Variants in TCEAL4 observed in about 807,000 individuals in gnomAD.
TCEAL4 encodes the protein transcription elongation factor A like 4.
TCEAL4 carries 1 observed loss-of-function variant against 1.3 expected under a neutral mutation model. The ratio of observed to expected loss-of-function variants is 0.79; its 90% confidence interval spans 0.28 to 3.76. The LOEUF (loss-of-function observed/expected upper bound fraction) is 3.76. Ranked by LOEUF, TCEAL4 falls within the 30% of genes most tolerant of loss-of-function variation. The probability of loss-of-function intolerance (pLI) is 0.18; values close to 1 mark genes in which losing one functional copy is unlikely to be tolerated. For synonymous variants in TCEAL4, 54 were observed against 50.7 expected, an observed-to-expected ratio of 1.06 and a Z score of -0.28; for missense variants, 129 against 154.7, an observed-to-expected ratio of 0.83 and a Z score of 0.88.
exon 1 of TCEAL4, chrX:103,576,450 C>CT (rs1197182542): frequency 4.3e-6 from 5 of 1,166,356 alleles, no homozygotes; most frequent in Non-Finnish European, 5.7e-6. Flanking sequence ...TTTTGGGACT[C>CT]TCATGATGCT....
At chrX:103,586,131 A>G in intron 1 of TCEAL4, 88 bp from the exon 2 acceptor site, 2 of 1,128,006 alleles carry the variant, frequency 1.8e-6, no homozygotes, top group East Asian at 6.6e-5. Flanking sequence ...ACGTTGGATG[A>G]GAAGGGCCTG....
At chrX:103,585,499 G>A (rs773959897), upstream of TCEAL4, 37 of 1,115,725 alleles carry the variant, frequency 3.3e-5, no homozygotes, top group African/African-American at 9.2e-5. Context: ...CCTGGGCTGC[G>A]GCATTCACGT....
At chrX:103,576,333 AT>A (rs2073483390) in exon 1 of TCEAL4, 1 of 780,807 alleles carries the variant, frequency 1.3e-6, no homozygotes, top group Non-Finnish European at 1.8e-6. Flanking sequence ...TACTCCTAGT[AT>A]TATTTCATCT....
Position 103,586,968 on chromosome X carries a change from G to C in TCEAL4, c.293G>C (p.Gly98Ala). The change falls in exon 3 of 3, where the codon GGA becomes GCA. Residue 98 changes from glycine (G) to alanine (A), a missense_variant. Physicochemically the swap from Gly to Ala is moderately conservative, Grantham distance 60. Transcript: ENST00000472484. ...SEREGKPEIE[G>A]KPESEGEPGS... Reference sequence around the variant, plus strand: ...AGAGAGGGAAAACCAGAGATAGAGGGAAAGCCAGAGAGTGAAGGAGAGCCA... The same window carrying C: ...AGAGAGGGAAAACCAGAGATAGAGGCAAAGCCAGAGAGTGAAGGAGAGCCA... 1 of 1,210,789 alleles carries C rather than the reference G, an allele frequency of 8.3e-7. No homozygotes were observed. The highest frequency in any genetic ancestry group is 1.1e-6 in the Non-Finnish European group (1 of 895,213).
Position 103,586,670 on chromosome X carries a change from C to G in TCEAL4, c.-6C>G. 1 of 1,208,663 alleles carries G rather than the reference C, an allele frequency of 8.3e-7. No individual in the cohort carries two copies. Among genetic ancestry groups the G allele is most frequent in the Non-Finnish European group, 1.1e-6 (1 of 894,568 alleles). Reference sequence around the variant, plus strand: ...CCAGGACAGGAAAAGGAGGGGAAATCTCGACATGGAAAAACTCTACAGTGA... The same window carrying G: ...CCAGGACAGGAAAAGGAGGGGAAATGTCGACATGGAAAAACTCTACAGTGA... On this transcript the variant is annotated 5_prime_UTR_variant, in exon 3 of 3. It adds an upstream start codon to the 5' untranslated region. Transcript: ENST00000472484.
upstream of TCEAL4, among the ~76,000 whole-genome samples, chrX:103,581,797 G>A (rs2073509496): frequency 9.0e-6 from 1 of 111,698 alleles, no homozygotes; most frequent in African/African-American, 3.3e-5. Context: ...GACTGAATGG[G>A]CAAAAGCTGG....
In TCEAL4 at chrX:103,587,470, A is replaced by C; in HGVS notation, c.*147A>C. 1.5e-6 allele frequency: 1 copy of C among 686,566 alleles called. No individual in the cohort carries two copies. The highest frequency in any genetic ancestry group is 2.0e-6 in the Non-Finnish European group (1 of 494,576). 56.6% of individuals were successfully genotyped at this position (686,566 alleles called of 1,213,427 possible). On this transcript the variant is annotated 3_prime_UTR_variant, in exon 3 of 3. Coordinates refer to ENST00000472484, the MANE Select transcript of TCEAL4 (RefSeq NM_001006935.3). ...AATGTTCATCTGTTACATGGAAAAA[A>C]TGTTGATGGTGCATTGTAAAATTAA...
chrX:103,576,616 T>G lies in TCEAL4; in HGVS notation c.63+84T>G, dbSNP rs1432884712. The G allele has an allele frequency of 5.7e-6, 3 of 524,460 alleles. No homozygotes were observed. In the African/African-American group the frequency reaches 7.2e-5, roughly 13 times the overall value. 43.2% of individuals were successfully genotyped at this position (524,460 alleles called of 1,213,427 possible). On this transcript the variant is annotated intron_variant, in intron 1 of 4. Transcript: ENST00000372629. ...CCGTCTCTGCTAAAAATATAAAAATTAGCCTGGTGTGGTGGCATGCCCCTA... is the reference window on the plus strand; with the variant it reads ...CCGTCTCTGCTAAAAATATAAAAATGAGCCTGGTGTGGTGGCATGCCCCTA...
chrX:103,577,097 C>T lies in TCEAL4; in HGVS notation c.67C>T (p.Leu23Phe), dbSNP rs1392426022. The stretch of plus-strand genomic sequence containing the variant: ...ATACTGATCAAAATAGTCGCAGGGC[C>T]TCCCAAATTCAAAAGGAAGAGACAA... Residue 23 changes from leucine to phenylalanine, a missense_variant, in exon 2 of 5, where the codon CTC (leucine) becomes TTC (phenylalanine). Physicochemically the swap from Leu to Phe is conservative, Grantham distance 22. Coordinates refer to the TCEAL4 transcript ENST00000372629. 6.9e-6 allele frequency: 8 copies of T among 1,166,641 alleles called. No individual in the cohort carries two copies. The East Asian group carries it at 1.3e-4, about 19-fold the overall frequency.
exon 2 of TCEAL4, chrX:103,577,134 G>A (rs1180212648): frequency 1.7e-6 from 2 of 1,167,279 alleles, no homozygotes; most frequent in Non-Finnish European, 2.3e-6. Flanking sequence ...GTCCACATCT[G>A]TCAATGCGAA....
At chrX:103,581,047 A>T (rs1316088911), upstream of TCEAL4, among the ~76,000 whole-genome samples, 3 of 112,087 alleles carry the variant, frequency 2.7e-5, no homozygotes, top group Admixed American at 1.9e-4. Flanking sequence ...TGATAGGGGG[A>T]TATCACCACT....
chrX:103,586,236 TC>T lies in TCEAL4; in HGVS notation c.-80del. 2 of 1,166,231 alleles carry T rather than the reference TC, an allele frequency of 1.7e-6. No homozygotes were observed. The highest frequency in any genetic ancestry group is 3.8e-5 in the South Asian group (2 of 52,690). On this transcript the variant is annotated 5_prime_UTR_variant, in exon 2 of 3. Transcript: ENST00000472484. ...GTCTGCAGGTCTGCGCGTCTGTTGT[TC>T]CCAGCGCTCTGCGAAGCCTGAAAAG...
At chrX:103,585,021 G>C (rs1959339279), upstream of TCEAL4, among the ~76,000 whole-genome samples, 1 of 112,858 alleles carries the variant, frequency 8.9e-6, no homozygotes, top group Non-Finnish European at 1.9e-5. Flanking sequence ...TTCTATTTTC[G>C]TATGTGGTCT....
At chrX:103,579,065 G>A (rs2147617622) in intron 2 of TCEAL4, among the ~76,000 whole-genome samples, 1 of 111,958 alleles carries the variant, frequency 8.9e-6, no homozygotes, top group Non-Finnish European at 1.9e-5. Context: ...ATATCCATTT[G>A]TCTCAGCACC....
Position 103,586,908 on chromosome X carries a change from GGGAGGGAGAGTCAGAGAT to G in TCEAL4, c.242_259del (p.Glu81_Gly86del). On this transcript the variant is annotated inframe_deletion, in exon 3 of 3. Coordinates refer to ENST00000472484, the MANE Select transcript of TCEAL4 (RefSeq NM_001006935.3). Reference sequence around the variant, plus strand: ...GAGGCAAAAGAAGGAAAGTCAGAGAGGGAGGGAGAGTCAGAGATGGAGGGAGGATCAGAGAGAGAGGGA... The same window carrying G: ...GAGGCAAAAGAAGGAAAGTCAGAGAGGGAGGGAGGATCAGAGAGAGAGGGA... The G allele has an allele frequency of 8.3e-7, 1 of 1,200,329 alleles. No homozygotes were observed. The highest frequency in any genetic ancestry group is 1.1e-6 in the Non-Finnish European group (1 of 889,672).
At chrX:103,578,884 G>A (rs1045254858) in intron 2 of TCEAL4, among the ~76,000 whole-genome samples, 1 of 111,669 alleles carries the variant, frequency 9.0e-6, no homozygotes, top group African/African-American at 3.2e-5. Flanking sequence ...TTGAGCTTTT[G>A]TTGTCATATC....
At chrX:103,582,046 G>C (rs1369074045), upstream of TCEAL4, among the ~76,000 whole-genome samples, 2 of 112,384 alleles carry the variant, frequency 1.8e-5, no homozygotes, top group Non-Finnish European at 3.8e-5. Flanking sequence ...CTTCAACAAA[G>C]TCTCAGGATA....
At chrX:103,580,300 G>A (rs1311334923) in intron 2 of TCEAL4, among the ~76,000 whole-genome samples, 1 of 112,066 alleles carries the variant, frequency 8.9e-6, no homozygotes, top group Non-Finnish European at 1.9e-5. Context: ...GATTAAACGG[G>A]TATACTAAGA....
chrX:103,585,751 A>T, intron 1 of TCEAL4, 127 bp downstream of exon 1: 1 of 1,152,053 alleles, frequency 8.7e-7, no homozygotes, highest in Non-Finnish European at 1.2e-6. Context: ...GAGTGTGGAC[A>T]GAGATGGCGG....
Sources: allele counts gnomAD v4.1 joint callset (sites outside exome capture counted in the v4.1 genomes callset), GRCh38; gene constraint gnomAD v4.1.1; transcripts MANE v1.5; gene names NCBI Gene and HGNC (gene_info 2026-07-23, HGNC 2026-07-21).